The following GSDME variants were observed in gnomAD, a reference collection of about 807,000 sequenced individuals.
GSDME encodes the protein gasdermin E.
Under a neutral mutation model 47.5 loss-of-function variants are expected in GSDME, and 44 were observed. The ratio of observed to expected loss-of-function variants is 0.93; its 90% CI spans 0.73 to 1.19. The LOEUF (loss-of-function observed/expected upper bound fraction) is 1.19, where lower values mean the gene tolerates loss of function less well. Among genes scored for constraint, GSDME ranks in the 50% most tolerant of loss-of-function variants. The pLI, the probability that GSDME is intolerant of heterozygous loss-of-function variation, is 0.00. For synonymous variants in GSDME, 258 were observed against 252.8 expected (o/e 1.02, Z -0.20); for missense variants, 663 against 604.2 (o/e 1.10, Z -1.02).
At position 24,702,763 on chromosome 7, in the gene GSDME, G is replaced by C; in HGVS notation, c.1254C>G (p.His418Gln). The C allele has an allele frequency of 1.2e-6, 2 of 1,613,228 alleles. No homozygotes were observed. The highest frequency in any genetic ancestry group is 1.1e-5 in the South Asian group (1 of 91,048). ...CKLQIIPTLC[H>Q]LLRALSDDGV... ...TCCCACCTGGGAGGTTGCTTACCAA[G>C]TGGCACAGTGTGGGAATGATCTGGA... Residue 418 changes from histidine (H) to glutamine (Q), a missense_variant, in exon 9 of 10, where the codon CAC becomes CAG. By Grantham distance (24) the His-to-Gln change is conservative. Coordinates refer to ENST00000645220, the MANE Select transcript of GSDME (RefSeq NM_001127453.2).
At chr7:24,766,842 T>C in the GSDME span, among the ~76,000 whole-genome samples, 1 of 152,230 alleles carries the variant, frequency 6.6e-6, no homozygotes, top group Non-Finnish European at 1.5e-5. This position sits in a 1 kb window ranked among gnomAD's most constrained non-coding sequence, Gnocchi z 4.2. Flanking sequence ...CTGAATCAAA[T>C]GGTATTTCTA....
At position 24,744,655 on chromosome 7, in the gene GSDME, C is replaced by A. The variant is rs371071175; in HGVS notation, c.311G>T (p.Gly104Val). 8 of 1,614,206 alleles carry A rather than the reference C, an allele frequency of 5.0e-6. No homozygotes were observed. Among genetic ancestry groups the A allele is most frequent in the Admixed American group, 3.3e-5 (2 of 60,024 alleles). The change falls in exon 3 of 10, where the codon GGG becomes GTG. Residue 104 changes from glycine (G) to valine (V), a missense_variant. Transcript: ENST00000645220. This position sits in a 1 kb window ranked among gnomAD's most constrained non-coding sequence, Gnocchi z 4.5. ...CTGGCTCTCTACGCGGCTGCTGCCC[C>A]CCAGGTTCAGCTTGACCTTCCCCAG... ...TALGKVKLNL[G>V]GSSRVESQSS...
At chr7:24,704,674 CATT>C (rs1400332876) in intron 8 of GSDME, 2 of 151,988 alleles carry the variant, frequency 1.3e-5, no homozygotes, top group African/African-American at 2.4e-5. Context: ...GTCAGTCTCA[CATT>C]ATGTGTCAAC....
chr7:24,702,948 G>T, intron 8 of GSDME, 115 bp from the exon 9 acceptor site: 1 of 830,858 alleles, frequency 1.2e-6, no homozygotes, highest in Non-Finnish European at 2.0e-6. Context: ...GCCAGGCAGG[G>T]GAGGTACTCA....
the GSDME span, among the ~76,000 whole-genome samples, chr7:24,767,151 C>A: frequency 1.3e-5 from 2 of 152,126 alleles, no homozygotes; most frequent in Non-Finnish European, 2.9e-5. This position sits in a 1 kb window ranked among gnomAD's most constrained non-coding sequence, Gnocchi z 5.3. Context: ...TTGTGAAACC[C>A]CGTCTCTACT....
upstream of GSDME, among the ~76,000 whole-genome samples, chr7:24,759,120 C>T (rs992952411): frequency 7.9e-5 from 12 of 152,108 alleles, no homozygotes; most frequent in African/African-American, 2.7e-4. Context: ...AGATGTTGGA[C>T]GAAAGAAAGA....
intron 5 of GSDME, 132 bp downstream of exon 5, chr7:24,717,122 C>T (rs376471789): frequency 2.5e-5 from 26 of 1,030,368 alleles, no homozygotes; most frequent in Admixed American, 5.7e-5. Flanking sequence ...GGACAATCTA[C>T]GCTCTTCAGA....
intron 3 of GSDME, among the ~76,000 whole-genome samples, chr7:24,731,134 G>A (rs1489711520): frequency 6.6e-6 from 1 of 152,212 alleles, no homozygotes; most frequent in Non-Finnish European, 1.5e-5. Context: ...GGGGCCTTGA[G>A]CTTCACAGCT....
chr7:24,703,288 A>G, intron 8 of GSDME: 1 of 301,528 alleles, frequency 3.3e-6, no homozygotes, highest in Admixed American at 4.6e-5. Context: ...TGTAAACTAT[A>G]AAGGGCTCTA....
chr7:24,793,377 G>T, the GSDME span, among the ~76,000 whole-genome samples: 1 of 152,108 alleles, frequency 6.6e-6, no homozygotes, highest in Non-Finnish European at 1.5e-5. Context: ...TTTATACACA[G>T]AATTTTCTTT....
chr7:24,747,242 T>G (rs889720748), intron 2 of GSDME, among the ~76,000 whole-genome samples: 3 of 152,222 alleles, frequency 2.0e-5, no homozygotes, highest in Non-Finnish European at 1.5e-5. Context: ...GCACACAGAT[T>G]CCTGAAGGGG....
intron 2 of GSDME, among the ~76,000 whole-genome samples, chr7:24,746,286 G>T (rs1056784156): frequency 6.6e-6 from 1 of 152,100 alleles, no homozygotes; most frequent in Non-Finnish European, 1.5e-5. Flanking sequence ...CAATGCCTTG[G>T]GAAGAAGGGC....
the GSDME span, among the ~76,000 whole-genome samples, chr7:24,771,383 A>G: frequency 6.6e-6 from 1 of 152,214 alleles, no homozygotes; most frequent in Non-Finnish European, 1.5e-5. This position sits in a 1 kb window ranked among gnomAD's most constrained non-coding sequence, Gnocchi z 4.1. Flanking sequence ...ATTGTATTAC[A>G]TTGTTTTATT....
chr7:24,751,437 C>T (rs1268634749), intron 1 of GSDME, among the ~76,000 whole-genome samples: 1 of 152,174 alleles, frequency 6.6e-6, no homozygotes, highest in Admixed American at 6.5e-5. Flanking sequence ...AGAATAAGCT[C>T]AGACTTTAGC....
chr7:24,790,293 A>G, the GSDME span, among the ~76,000 whole-genome samples: 1 of 152,336 alleles, frequency 6.6e-6, no homozygotes, highest in East Asian at 1.9e-4. This position sits in a 1 kb window ranked among gnomAD's most constrained non-coding sequence, Gnocchi z 4.1. Context: ...TTGGGTGAGC[A>G]TGTAAATGGG....
At chr7:24,766,752 C>T in the GSDME span, among the ~76,000 whole-genome samples, 413 of 152,274 alleles carry the variant, frequency 2.7e-3, 2 homozygotes, top group African/African-American at 9.2e-3. This position sits in a 1 kb window ranked among gnomAD's most constrained non-coding sequence, Gnocchi z 4.2. Context: ...TGAACAGTGC[C>T]ACAGTAAACA....
intron 7 of GSDME, 127 bp from the exon 8 acceptor site, chr7:24,706,503 C>T (rs1789113061): frequency 1.2e-6 from 1 of 863,578 alleles, no homozygotes; most frequent in Admixed American, 2.6e-5. Context: ...CGACCCGCAG[C>T]TCTTCTCTAC....
At chr7:24,711,696 TC>T (rs1789360396) in intron 5 of GSDME, among the ~76,000 whole-genome samples, 1 of 151,098 alleles carries the variant, frequency 6.6e-6, no homozygotes. Context: ...ATGCCTGTAA[TC>T]CCAGCTGCTC....
In GSDME at chr7:24,744,805, G is replaced by A; in HGVS notation, c.212-51C>T. On this transcript the variant is annotated intron_variant, in intron 2 of 9. Coordinates refer to ENST00000645220, the MANE Select transcript of GSDME (RefSeq NM_001127453.2). This position sits in a 1 kb window ranked among gnomAD's most constrained non-coding sequence, Gnocchi z 4.5. Reference sequence around the variant, plus strand: ...AAGCCGATGATGATAAGGCCACCAAGATGTCTTGGGTCATTTAGCTTTCCA... The same window carrying A: ...AAGCCGATGATGATAAGGCCACCAAAATGTCTTGGGTCATTTAGCTTTCCA... 3 of 1,594,996 alleles carry A rather than the reference G, an allele frequency of 1.9e-6. No individual in the cohort carries two copies. The highest frequency in any genetic ancestry group is 2.6e-6 in the Non-Finnish European group (3 of 1,165,298).
Sources: gnomAD v4.1 joint callset for allele counts (sites outside exome capture counted in the v4.1 genomes callset) on GRCh38, gnomAD v4.1.1 for gene constraint, Gnocchi (gnomAD v3.1) non-coding constraint, MANE v1.5 for transcripts, NCBI Gene and HGNC (gene_info 2026-07-23, HGNC 2026-07-21) for gene names.